MAPK8: variants seen among roughly 807,000 people sequenced by gnomAD.
MAPK8 encodes the protein JUN N-terminal kinase.
In MAPK8, 13 loss-of-function variants were observed where a neutral mutation model predicts 52.9. The observed-to-expected ratio is 0.25, with a 90% CI of 0.16 to 0.39. The LOEUF (loss-of-function observed/expected upper bound fraction) is 0.39, where lower values mean the gene tolerates loss of function less well. Ranked by LOEUF, MAPK8 falls within the 10% of genes least tolerant of loss-of-function variation. The probability of loss-of-function intolerance (pLI) is 1.00; values close to 1 mark genes in which losing one functional copy is unlikely to be tolerated. For synonymous variants in MAPK8, 191 were observed against 169.8 expected (o/e 1.12, Z -0.97); for missense variants, 300 against 519.2 (o/e 0.58, Z 4.10).
chr10:48,382,504 C>T (rs1052847758), intron 1 of MAPK8, among the ~76,000 whole-genome samples: 2 of 151,866 alleles, frequency 1.3e-5, no homozygotes, highest in African/African-American at 4.8e-5. Flanking sequence ...AGCCATGAGA[C>T]AAGTAAAACT....
chr10:48,340,492 AATGTACCC>A (rs1334078801), intron 1 of MAPK8, among the ~76,000 whole-genome samples: 2 of 152,152 alleles, frequency 1.3e-5, no homozygotes, highest in African/African-American at 4.8e-5. Context: ...AGAATTATGC[AATGTACCC>A]ATGTAACAAA....
Position 48,436,009 on chromosome 10 carries a change from T to C in MAPK8, c.*980T>C. The stretch of plus-strand genomic sequence containing the variant: ...TTGGACCTTTCCTGTTTCCTATTAC[T>C]TGGAGTGTCTGTCAGTTGAGCACCA... On this transcript the variant is annotated 3_prime_UTR_variant, in exon 12 of 12. Transcript: ENST00000374189. 1 of 152,226 alleles carries C rather than the reference T, an allele frequency of 6.6e-6. No homozygotes were observed. 9.4% of individuals were successfully genotyped at this position (152,226 alleles called of 1,614,324 possible).
intron 1 of MAPK8, among the ~76,000 whole-genome samples, chr10:48,357,862 C>A (rs1433663075): frequency 1.3e-5 from 2 of 152,204 alleles, no homozygotes; most frequent in African/African-American, 4.8e-5. Flanking sequence ...ACTCCTCATT[C>A]CCCTGTCCCA....
chr10:48,434,051 C>T (rs1254980570), intron 11 of MAPK8, among the ~76,000 whole-genome samples: 1 of 152,202 alleles, frequency 6.6e-6, no homozygotes, highest in Non-Finnish European at 1.5e-5. Context: ...ATAAGTCATT[C>T]CTGTCCCCTT....
rs748997845 is a variant in MAPK8 at position 48,346,980 on chromosome 10, C to T, written c.-50+40159C>T. Among the ~76,000 whole-genome samples the T allele has an allele frequency of 7.9e-5, 12 of 152,172 alleles. 1 individual carries two copies. The stretch of plus-strand genomic sequence containing the variant: ...CTTCTGCCTTGTATCCAACAAATAA[C>T]AGTGCAGCCAGACATTCGGGGCCAC... On this transcript the variant is annotated intron_variant, in intron 1 of 11. Transcript: ENST00000374189.
intron 1 of MAPK8, among the ~76,000 whole-genome samples, chr10:48,377,956 G>C (rs1050431799): frequency 7.9e-5 from 12 of 152,152 alleles, no homozygotes; most frequent in African/African-American, 2.7e-4. Context: ...TCTAGAGCTT[G>C]AATAGCAAGT....
At chr10:48,312,297 C>T (rs1286599220) in intron 1 of MAPK8, among the ~76,000 whole-genome samples, 1 of 152,142 alleles carries the variant, frequency 6.6e-6, no homozygotes, top group African/African-American at 2.4e-5. Context: ...ATATGAAAAG[C>T]TGACAGTAGA....
intron 1 of MAPK8, among the ~76,000 whole-genome samples, chr10:48,346,240 T>C (rs1845759430): frequency 6.6e-6 from 1 of 152,276 alleles, no homozygotes; most frequent in African/African-American, 2.4e-5. Context: ...TATGATTATA[T>C]ATGAATATCA....
In MAPK8 at chr10:48,438,872, G is replaced by A. The variant is rs538649320; in HGVS notation, c.*3843G>A. ...TAAGTAGAAACCTGCTCGTGATATC[G>A]GTCCATTTACATTTTACAAAAGGAG... On this transcript the variant is annotated 3_prime_UTR_variant, in exon 12 of 12. Transcript: ENST00000374189. The A allele has an allele frequency of 6.6e-6, 1 of 152,178 alleles. No individual in the cohort carries two copies. Among genetic ancestry groups the A allele is most frequent in the East Asian group, 1.9e-4 (1 of 5,190 alleles). The allele number at this position is 152,178 out of a possible 1,614,324, so 9.4% of individuals were successfully genotyped here.
Position 48,435,995 on chromosome 10 carries a change from C to T in MAPK8, c.*966C>T, listed in dbSNP as rs1027164031. 6.6e-6 allele frequency: 1 copy of T among 152,174 alleles called. No homozygotes were observed. Among genetic ancestry groups the T allele is most frequent in the Non-Finnish European group, 1.5e-5 (1 of 68,044 alleles). The allele number at this position is 152,174 out of a possible 1,614,324, so 9.4% of individuals were successfully genotyped here. A position where few individuals can be genotyped will look rare whatever the true frequency, so the allele number is the denominator to read the frequency against. ...GCAGCTTCGGGTCCTTGGACCTTTCCTGTTTCCTATTACTTGGAGTGTCTG... is the reference window on the plus strand; with the variant it reads ...GCAGCTTCGGGTCCTTGGACCTTTCTTGTTTCCTATTACTTGGAGTGTCTG... On this transcript the variant is annotated 3_prime_UTR_variant, in exon 12 of 12. Transcript: ENST00000374189.
chr10:48,346,839 T>TCTCCTCTCCCTCTCTGC (rs1845833884), intron 1 of MAPK8, among the ~76,000 whole-genome samples: 1 of 152,114 alleles, frequency 6.6e-6, no homozygotes, highest in South Asian at 2.1e-4. Flanking sequence ...TCCCTCTCTG[T>TCTCCTCTCCCTCTCTGC]CTCCTCTCCC....
Position 48,436,188 on chromosome 10 carries a change from A to G in MAPK8, c.*1159A>G, listed in dbSNP as rs1397370625. The G allele has an allele frequency of 6.6e-6, 1 of 152,232 alleles. No individual in the cohort carries two copies. Among genetic ancestry groups the G allele is most frequent in the African/African-American group, 2.4e-5 (1 of 41,470 alleles). The allele number at this position is 152,232 out of a possible 1,614,324, so 9.4% of individuals were successfully genotyped here. ...ATAGTAGCACACAGCCATATATAGG[A>G]TATCATTTTCTAAGGACTGTTTCTT... On this transcript the variant is annotated 3_prime_UTR_variant, in exon 12 of 12. Transcript: ENST00000374189.
intron 5 of MAPK8, among the ~76,000 whole-genome samples, chr10:48,417,597 C>A (rs748780984): frequency 3.3e-5 from 5 of 152,190 alleles, no homozygotes; most frequent in African/African-American, 4.8e-5. Flanking sequence ...CTGAAGCATA[C>A]ACCAGAGACA....
At chr10:48,406,482 C>T (rs913372096) in intron 3 of MAPK8, among the ~76,000 whole-genome samples, 5 of 152,132 alleles carry the variant, frequency 3.3e-5, no homozygotes, top group African/African-American at 1.2e-4. Context: ...AAGCATGTCT[C>T]ACATGATTAG....
At chr10:48,429,973 GAT>G (rs1213849150) in intron 10 of MAPK8, 1 of 152,226 alleles carries the variant, frequency 6.6e-6, no homozygotes, top group Non-Finnish European at 1.5e-5. Flanking sequence ...CAAAGAAGAT[GAT>G]AAATAGTGTT....
intron 1 of MAPK8, among the ~76,000 whole-genome samples, chr10:48,368,177 G>T (rs1454111856): frequency 6.6e-6 from 1 of 152,212 alleles, no homozygotes; most frequent in Non-Finnish European, 1.5e-5. Context: ...AAATATTTGA[G>T]TGTGTGCTAT....
In MAPK8 at chr10:48,431,082, A is replaced by G. The variant is rs186524795; in HGVS notation, c.1061-111A>G. 1.1e-3 allele frequency: 794 copies of G among 693,160 alleles called. 2 individuals carry two copies. Among genetic ancestry groups the G allele is most frequent in the Admixed American group, 8.4e-4 (33 of 39,330 alleles). The allele number at this position is 693,160 out of a possible 1,614,324, so 42.9% of individuals were successfully genotyped here. A position where few individuals can be genotyped will look rare whatever the true frequency, so the allele number is the denominator to read the frequency against. ...CATTTAACTGACTGTCATTGTAAGG[A>G]CACTGTTTGAAGTACTTCACATGTA... On this transcript the variant is annotated intron_variant, in intron 10 of 11. Coordinates refer to ENST00000374189, the MANE Select transcript of MAPK8 (RefSeq NM_001323329.2).
At chr10:48,388,318 T>A (rs891199737) in intron 1 of MAPK8, among the ~76,000 whole-genome samples, 2 of 152,220 alleles carry the variant, frequency 1.3e-5, no homozygotes, top group Non-Finnish European at 2.9e-5. Context: ...GATAAAACTT[T>A]GTTTTATTGT....
At chr10:48,416,730 C>A (rs115732345) in intron 5 of MAPK8, among the ~76,000 whole-genome samples, 66 of 152,226 alleles carry the variant, frequency 4.3e-4, no homozygotes, top group African/African-American at 1.5e-3. Context: ...TAATTAAATT[C>A]TTCTGTACAG....
Sources: allele counts gnomAD v4.1 joint callset (sites outside exome capture counted in the v4.1 genomes callset), GRCh38; gene constraint gnomAD v4.1.1; transcripts MANE v1.5; gene names NCBI Gene and HGNC (gene_info 2026-07-23, HGNC 2026-07-21).